Variants in JAG1 observed in about 807,000 individuals in gnomAD.
The protein encoded by JAG1 is jagged canonical Notch ligand 1, also known as protein jagged-1.
JAG1 carries 23 observed loss-of-function variants against 148.7 expected under a neutral mutation model. That is an observed-to-expected ratio of 0.15 (90% confidence interval 0.11 to 0.22). The LOEUF is 0.22. Among genes scored for constraint, JAG1 ranks in the 10% least tolerant of loss-of-function variants. The pLI is 1.00. For missense variants in JAG1, 1,054 were observed against 1,611.2 expected (o/e 0.65, Z 5.92); for synonymous variants, 572 against 598.3 (o/e 0.96, Z 0.64).
At chr20:10,641,265 CCACA>C in intron 23 of JAG1, 21 bp from the exon 24 acceptor site, 1 of 1,612,816 alleles carries the variant, frequency 6.2e-7, no homozygotes, top group Non-Finnish European at 8.5e-7. Flanking sequence ...TTTTAAAAAC[CCACA>C]CACGTGTAAG....
In JAG1 at chr20:10,639,899, C is replaced by T. The variant is rs1334024757; in HGVS notation, c.3256G>A (p.Val1086Met). The T allele has an allele frequency of 6.2e-7, 1 of 1,614,188 alleles. No individual in the cohort carries two copies. The highest frequency in any genetic ancestry group is 1.1e-5 in the South Asian group (1 of 91,088). The change falls in exon 26 of 26, where the codon GTG (valine) becomes ATG (methionine). Residue 1086 changes from valine to methionine, a missense_variant. By Grantham distance (21) the Val-to-Met change is conservative (BLOSUM62 1). Around this residue, in one of 6 missense-constraint regions of JAG1, gnomAD observed 177 missense variants for 177.3 expected, o/e 1.00. Coordinates refer to ENST00000254958, the MANE Select transcript of JAG1 (RefSeq NM_000214.3). ...VLTVAWICCLVTAFYWCLRKR... is the reference protein window; with the variant it reads ...VLTVAWICCLMTAFYWCLRKR... ...CGCAGGCACCAGTAGAAGGCCGTCA[C>T]CAAGCAACAGATCCAAGCCACAGTT...
In JAG1 at chr20:10,640,783, C is replaced by G; in HGVS notation, c.3199G>C (p.Asp1067His). The change falls in exon 25 of 26, where the codon GAT becomes CAT. Residue 1067 changes from aspartate (D) to histidine (H), a missense_variant and splice_region_variant. Around this residue, in one of 6 missense-constraint regions of JAG1, gnomAD observed 342 missense variants for 514.6 expected, o/e 0.66. Transcript: ENST00000254958. ...CAAACTAGTCCCACTTGACACCTAC[C>G]TGTTCTGTTCTTCAGAGGCCGCCTC... ...VQRRPLKNRT[D>H]FLVPLLSSVL... 6.2e-7 allele frequency: 1 copy of G among 1,614,144 alleles called. No homozygotes were observed. Among genetic ancestry groups the G allele is most frequent in the Non-Finnish European group, 8.5e-7 (1 of 1,179,956 alleles).
intron 25 of JAG1, 140 bp downstream of exon 25, chr20:10,640,643 T>C: frequency 1.2e-6 from 1 of 842,454 alleles, no homozygotes; most frequent in Non-Finnish European, 2.0e-6. Flanking sequence ...TAAAGTAGGC[T>C]GCCCTCAGTT....
chr20:10,640,416 G>A (rs2067262633), intron 25 of JAG1, among the ~76,000 whole-genome samples: 1 of 152,188 alleles, frequency 6.6e-6, no homozygotes, highest in African/African-American at 2.4e-5. Flanking sequence ...CGGGGCCATC[G>A]AGCCTCACAG....
At position 10,645,153 on chromosome 20, in the gene JAG1, G is replaced by A. The variant is rs756695624; in HGVS notation, c.2217C>T (p.Thr739=). Residue 739 remains threonine (T), a synonymous_variant, in exon 17 of 26, where the codon ACC becomes ACT. Transcript: ENST00000254958. This position sits in a 1 kb window ranked among gnomAD's most constrained non-coding sequence, Gnocchi z 6.1. ...GGGGCATAAAGTTACCTATGTTACA[G>A]GTTGTTCCTTCCCAGCCGCCAGGAC... The part of the protein sequence containing the change: ...CMCPGGWEGT[T]CNIARNSSCL... 5.0e-6 allele frequency: 8 copies of A among 1,613,572 alleles called. No homozygotes were observed. In the African/African-American group the frequency reaches 1.1e-4, roughly 22 times the overall value.
chr20:10,639,820 G>A lies in JAG1; in HGVS notation c.3335C>T (p.Thr1112Ile). The change falls in exon 26 of 26, where the codon ACC becomes ATC. Residue 1112 changes from threonine to isoleucine, a missense_variant. By Grantham distance (89) the Thr-to-Ile change is moderately conservative. Transcript: ENST00000254958. ...HTHSASEDNTTNNVREQLNQI... is the reference protein window; with the variant it reads ...HTHSASEDNTINNVREQLNQI... Reference sequence around the variant, plus strand: ...GTTCAGCTGCTCCCGCACGTTGTTGGTGGTGTTGTCCTCAGAGGCTGAGTG... The same window carrying A: ...GTTCAGCTGCTCCCGCACGTTGTTGATGGTGTTGTCCTCAGAGGCTGAGTG... 1.2e-6 allele frequency: 2 copies of A among 1,614,228 alleles called. No individual in the cohort carries two copies. The highest frequency in any genetic ancestry group is 2.2e-5 in the South Asian group (2 of 91,082).
At chr20:10,647,225 C>A (rs1386201180) in intron 13 of JAG1, 122 bp from the exon 14 acceptor site, 20 of 1,159,702 alleles carry the variant, frequency 1.7e-5, no homozygotes, top group African/African-American at 1.5e-5. Flanking sequence ...ATGAGACACA[C>A]CCCAGGGAAG....
chr20:10,662,736 C>A (rs1044886197), intron 3 of JAG1, among the ~76,000 whole-genome samples: 3 of 152,094 alleles, frequency 2.0e-5, no homozygotes, highest in African/African-American at 7.2e-5. Flanking sequence ...AGCTTCCCTG[C>A]CACCCCCACA....
In JAG1 at chr20:10,641,598, G is replaced by A. The variant is rs147793030; in HGVS notation, c.2778C>T (p.Phe926=). The part of the protein sequence containing the change: ...SCIPILDDQC[F]VHPCTGVGEC... ...CGCCCACACCAGTGCAGGGGTGGAC[G>A]AAGCACTGGTCGTCCAGGATGGGGA... The change falls in exon 23 of 26, where the codon TTC becomes TTT. Residue 926 remains phenylalanine (F), a synonymous_variant. Coordinates refer to ENST00000254958, the MANE Select transcript of JAG1 (RefSeq NM_000214.3). The A allele has an allele frequency of 1.1e-3, 1,843 of 1,614,160 alleles. 2 individuals carry two copies. The highest frequency in any genetic ancestry group is 1.3e-3 in the Non-Finnish European group (1,577 of 1,180,028).
intron 21 of JAG1, 48 bp from the exon 22 acceptor site, chr20:10,641,940 C>A: frequency 2.4e-6 from 3 of 1,256,378 alleles, no homozygotes; most frequent in South Asian, 1.2e-5. Context: ...TGAACCGGAT[C>A]GGGGTTCAAT....
chr20:10,649,778 C>T, intron 9 of JAG1, 143 bp from the exon 10 acceptor site: 2 of 686,808 alleles, frequency 2.9e-6, no homozygotes, highest in East Asian at 2.7e-5. Context: ...TAGAGGTTCC[C>T]TCTATTTTAA....
intron 5 of JAG1, among the ~76,000 whole-genome samples, chr20:10,655,820 C>T (rs547839540): frequency 3.3e-5 from 5 of 152,162 alleles, no homozygotes; most frequent in Middle Eastern, 3.2e-3. Flanking sequence ...CTTTGGCTTC[C>T]GCATTGTTCC....
rs2067508451 is a variant in JAG1 at position 10,673,025 on chromosome 20, G to C, written c.82-19C>G. Reference sequence around the variant, plus strand: ...CACACACCTGCCGGCGAGGGAAGGAGGTAGGTCAGCGCGGGAGAAAGCTGT... The same window carrying C: ...CACACACCTGCCGGCGAGGGAAGGACGTAGGTCAGCGCGGGAGAAAGCTGT... On this transcript the variant is annotated intron_variant, in intron 1 of 25. Coordinates refer to ENST00000254958, the MANE Select transcript of JAG1 (RefSeq NM_000214.3). This position sits in a 1 kb window ranked among gnomAD's most constrained non-coding sequence, Gnocchi z 4.7. 2 of 1,603,112 alleles carry C rather than the reference G, an allele frequency of 1.2e-6. No homozygotes were observed. The highest frequency in any genetic ancestry group is 1.3e-5 in the African/African-American group (1 of 75,044).
chr20:10,652,708 G>T, intron 5 of JAG1, 110 bp from the exon 6 acceptor site: 1 of 1,216,588 alleles, frequency 8.2e-7, no homozygotes, highest in Non-Finnish European at 1.2e-6. Flanking sequence ...TGTTTCTGGG[G>T]ACAGGAAGGT....
At chr20:10,651,016 G>A (rs1056398438) in intron 8 of JAG1, 1 of 159,622 alleles carries the variant, frequency 6.3e-6, no homozygotes, top group Non-Finnish European at 1.4e-5. Context: ...AACCACACCT[G>A]GGGTGCTGAT....
intron 4 of JAG1, among the ~76,000 whole-genome samples, chr20:10,658,058 T>C (rs2067389998): frequency 6.6e-6 from 1 of 152,096 alleles, no homozygotes; most frequent in Admixed American, 6.5e-5. Context: ...TGGTCTCAAC[T>C]GGAGTCTGAT....
intron 3 of JAG1, among the ~76,000 whole-genome samples, chr20:10,661,352 G>A (rs777660102): frequency 3.3e-5 from 5 of 152,176 alleles, no homozygotes; most frequent in Non-Finnish European, 7.3e-5. Flanking sequence ...AGCCAACTCC[G>A]TTTGGGCTTC....
intron 2 of JAG1, among the ~76,000 whole-genome samples, chr20:10,664,377 C>CAA (rs1431712470): frequency 8.0e-6 from 1 of 124,798 alleles, no homozygotes; most frequent in Non-Finnish European, 1.5e-5. Flanking sequence ...TGAGGAAACA[C>CAA]ACACACACAC....
Position 10,673,468 on chromosome 20 carries a change from G to A in JAG1, c.63C>T (p.Leu21=). ...GRPLSLLLAL[L]CALRAKVCGA... is the part of the protein sequence containing the mutation. Reference sequence around the variant, plus strand: ...CTCCTACCTTGGCTCGCAGGGCACAGAGCAGGGCGAGCAGGAGGCTTAGGG... The same window carrying A: ...CTCCTACCTTGGCTCGCAGGGCACAAAGCAGGGCGAGCAGGAGGCTTAGGG... Residue 21 remains leucine, a synonymous_variant, in exon 1 of 26, where the codon CTC becomes CTT. Transcript: ENST00000254958. This position sits in a 1 kb window ranked among gnomAD's most constrained non-coding sequence, Gnocchi z 4.7. The A allele has an allele frequency of 7.2e-7, 1 of 1,385,368 alleles. No individual in the cohort carries two copies. Among genetic ancestry groups the A allele is most frequent in the Non-Finnish European group, 9.4e-7 (1 of 1,065,720 alleles). 85.8% of individuals were successfully genotyped at this position (1,385,368 alleles called of 1,614,324 possible). A position where few individuals can be genotyped will look rare whatever the true frequency, so the allele number is the denominator to read the frequency against.
Sources: allele counts gnomAD v4.1 joint callset (sites outside exome capture counted in the v4.1 genomes callset), GRCh38; gene constraint gnomAD v4.1.1; regional missense constraint gnomAD v4.1.1; non-coding constraint Gnocchi (gnomAD v3.1); transcripts MANE v1.5; gene names NCBI Gene and HGNC (gene_info 2026-07-23, HGNC 2026-07-21).